The following TMEM163 variants were observed in gnomAD, a reference collection of about 807,000 sequenced individuals.
The protein encoded by TMEM163 is transmembrane protein 163.
Under a neutral mutation model 29.3 loss-of-function variants are expected in TMEM163, and 17 were observed. The ratio of observed to expected loss-of-function variants is 0.58; its 90% CI spans 0.40 to 0.87. The LOEUF (loss-of-function observed/expected upper bound fraction) is 0.87. TMEM163 is among the 40% of genes least tolerant of loss of function. The pLI, the probability that TMEM163 is intolerant of heterozygous loss-of-function variation, is 0.00. For missense variants in TMEM163, 303 were observed against 381.5 expected (o/e 0.79, Z 1.71); for synonymous variants, 157 against 160.6 (o/e 0.98, Z 0.17).
chr2:134,630,664 G>T (rs1260394123), intron 2 of TMEM163, among the ~76,000 whole-genome samples: 1 of 152,128 alleles, frequency 6.6e-6, no homozygotes, highest in Non-Finnish European at 1.5e-5. Flanking sequence ...GGCTGAACAG[G>T]GGTCTGACAG....
At chr2:134,524,056 A>ACC in intron 4 of TMEM163, among the ~76,000 whole-genome samples, 1 of 152,276 alleles carries the variant, frequency 6.6e-6, no homozygotes, top group Non-Finnish European at 1.5e-5. Flanking sequence ...GAGCCTTGCA[A>ACC]CCCCAAGTGT....
chr2:134,578,134 C>T lies in TMEM163; in HGVS notation c.323-26043G>A, dbSNP rs79652460. On this transcript the variant is annotated intron_variant, in intron 2 of 7. Transcript: ENST00000281924. ...TTTTGATAATACAGTTATATTAGTT[C>T]CATAACTTAAAAATAAGAGGAAGAG... is the stretch of plus-strand genomic sequence containing the variant. Among the ~76,000 whole-genome samples, 15 of 152,176 alleles carry T rather than the reference C, an allele frequency of 9.9e-5. No individual in the cohort carries two copies. The East Asian group carries it at 2.7e-3, about 27-fold the overall frequency.
At position 134,458,176 on chromosome 2, in the gene TMEM163, G is replaced by A; in HGVS notation, c.668-3C>T. 1 of 1,614,118 alleles carries A rather than the reference G, an allele frequency of 6.2e-7. No homozygotes were observed. On this transcript the variant is annotated splice_region_variant and splice_polypyrimidine_tract_variant and intron_variant, in intron 6 of 7. Coordinates refer to ENST00000281924, the MANE Select transcript of TMEM163 (RefSeq NM_030923.5). ...GCCACCCACGAGGGAGTTAAACCCT[G>A]CAAAGGAAGTGGAGAGAGGCTAGAT...
intron 2 of TMEM163, among the ~76,000 whole-genome samples, chr2:134,552,884 T>C (rs1680964926): frequency 6.6e-6 from 1 of 152,066 alleles, no homozygotes; most frequent in South Asian, 2.1e-4. Flanking sequence ...AGTTTCGAAC[T>C]CCTGATCTCA....
intron 2 of TMEM163, among the ~76,000 whole-genome samples, chr2:134,634,147 CA>C (rs1683051356): frequency 6.6e-6 from 1 of 151,492 alleles, no homozygotes; most frequent in Admixed American, 6.6e-5. Context: ...TCAAGTATGA[CA>C]GAAAGATCAA....
intron 4 of TMEM163, among the ~76,000 whole-genome samples, chr2:134,527,645 G>A (rs1191541032): frequency 1.3e-5 from 2 of 152,166 alleles, no homozygotes; most frequent in African/African-American, 4.8e-5. Context: ...CCTGAGCAAG[G>A]CTATAGGAAT....
At chr2:134,646,232 C>T (rs1194559773) in intron 2 of TMEM163, among the ~76,000 whole-genome samples, 2 of 144,992 alleles carry the variant, frequency 1.4e-5, no homozygotes, top group Non-Finnish European at 3.0e-5. Flanking sequence ...TTACAGGTGC[C>T]CGCCACCACA....
chr2:134,713,670 C>A, intron 1 of TMEM163: 1 of 472,720 alleles, frequency 2.1e-6, no homozygotes, highest in South Asian at 1.5e-5. Context: ...GCTGTTCCTG[C>A]CCACAAGACC....
intron 4 of TMEM163, among the ~76,000 whole-genome samples, chr2:134,513,954 G>A (rs893281974): frequency 1.3e-5 from 2 of 152,206 alleles, no homozygotes; most frequent in Admixed American, 6.5e-5. Flanking sequence ...GTGTAGCCAG[G>A]CTTCCTGTAG....
rs527621999 is a variant in TMEM163, at chr2:134,545,104, A to G, written c.458+5466T>C. Among the ~76,000 whole-genome samples, 97 of 152,264 alleles carry G rather than the reference A, an allele frequency of 6.4e-4. 1 individual carries two copies. The highest frequency in any genetic ancestry group is 1.8e-3 in the Admixed American group (28 of 15,296). On this transcript the variant is annotated intron_variant, in intron 4 of 7. Transcript: ENST00000281924. ...CAAATGAGAAAAAACCACACATGCT[A>G]TTTTGTGTCATGCTCTCTTCACTTA...
chr2:134,597,699 C>T (rs1213656872), intron 2 of TMEM163, among the ~76,000 whole-genome samples: 1 of 152,182 alleles, frequency 6.6e-6, no homozygotes, highest in Non-Finnish European at 1.5e-5. Context: ...GTACCAGCTC[C>T]TCTTTGTACC....
At chr2:134,656,375 C>A (rs1683613335) in intron 2 of TMEM163, among the ~76,000 whole-genome samples, 1 of 151,820 alleles carries the variant, frequency 6.6e-6, no homozygotes, top group Non-Finnish European at 1.5e-5. Context: ...TCGCGCTTCC[C>A]AGGTGAGGCA....
At chr2:134,706,762 T>C (rs1684822997) in intron 2 of TMEM163, among the ~76,000 whole-genome samples, 1 of 151,972 alleles carries the variant, frequency 6.6e-6, no homozygotes, top group Non-Finnish European at 1.5e-5. Context: ...TACATGGGGA[T>C]GGGAGGAGGT....
At chr2:134,486,332 G>T (rs1273273565) in intron 5 of TMEM163, among the ~76,000 whole-genome samples, 1 of 152,124 alleles carries the variant, frequency 6.6e-6, no homozygotes, top group Non-Finnish European at 1.5e-5. Context: ...TACTAACGAT[G>T]AGAGCTTAGA....
intron 1 of TMEM163, among the ~76,000 whole-genome samples, chr2:134,718,508 C>T (rs1010901967): frequency 6.6e-6 from 1 of 152,222 alleles, no homozygotes; most frequent in African/African-American, 2.4e-5. Flanking sequence ...GGCCTGAAGG[C>T]AGCTGGGGTC....
intron 2 of TMEM163, among the ~76,000 whole-genome samples, chr2:134,669,189 C>G (rs1481486861): frequency 6.6e-6 from 1 of 152,216 alleles, no homozygotes; most frequent in Non-Finnish European, 1.5e-5. Context: ...TCCCTCACCA[C>G]AGCAAATACG....
At chr2:134,627,679 C>T (rs1304809282) in intron 2 of TMEM163, among the ~76,000 whole-genome samples, 3 of 152,156 alleles carry the variant, frequency 2.0e-5, no homozygotes, top group Admixed American at 2.0e-4. Context: ...GGATACGCAA[C>T]AGAGACAGTA....
chr2:134,458,490 T>G (rs1574145670), intron 6 of TMEM163: 1 of 333,104 alleles, frequency 3.0e-6, no homozygotes, highest in Non-Finnish European at 5.8e-6. Flanking sequence ...GGCAGGGGTG[T>G]GGTTTTCTGT....
chr2:134,593,194 A>T (rs900666922), intron 2 of TMEM163, among the ~76,000 whole-genome samples: 1 of 152,214 alleles, frequency 6.6e-6, no homozygotes, highest in African/African-American at 2.4e-5. Flanking sequence ...CCTGGAAAGG[A>T]GAGGGCAGGA....
Sources: gnomAD v4.1 joint callset for allele counts (sites outside exome capture counted in the v4.1 genomes callset) on GRCh38, gnomAD v4.1.1 for gene constraint, MANE v1.5 for transcripts, NCBI Gene and HGNC (gene_info 2026-07-23, HGNC 2026-07-21) for gene names.